The following SEMA3D variants were observed in gnomAD, a reference collection of about 807,000 sequenced individuals.
SEMA3D encodes the protein semaphorin 3D.
Under a neutral mutation model 100.1 loss-of-function variants are expected in SEMA3D, and 84 were observed. The observed-to-expected ratio is 0.84, with a 90% CI of 0.70 to 1.01. SEMA3D has a LOEUF of 1.01. Among genes scored for constraint, SEMA3D ranks in the 50% least tolerant of loss-of-function variants. SEMA3D has a pLI of 0.00. For missense variants in SEMA3D, 875 were observed against 934.1 expected, an observed-to-expected ratio of 0.94 and a Z score of 0.82; for synonymous variants, 312 against 320.7, an observed-to-expected ratio of 0.97 and a Z score of 0.29.
At position 85,121,864 on chromosome 7, in the gene SEMA3D, T is replaced by G. The variant is rs76103274; in HGVS notation, c.28A>C (p.Lys10Gln). Residue 10 changes from lysine (K) to glutamine (Q), a missense_variant, in exon 3 of 19, where the codon AAA (lysine) becomes CAA (glutamine). Coordinates refer to ENST00000284136, the MANE Select transcript of SEMA3D (RefSeq NM_001384900.1). MNANKDERLKARSQDFHLFP... is the reference protein window; with the variant it reads MNANKDERLQARSQDFHLFP... The stretch of plus-strand genomic sequence containing the variant: ...AGGTGAAAATCTTGGCTTCTGGCTT[T>G]AAGTCTTTCATCTTTATTAGCATTC... 6.3e-7 allele frequency: 1 copy of G among 1,593,732 alleles called. No individual in the cohort carries two copies. Among genetic ancestry groups the G allele is most frequent in the African/African-American group, 1.3e-5 (1 of 74,426 alleles).
At chr7:85,250,157 G>C in the SEMA3D span, among the ~76,000 whole-genome samples, 4 of 152,084 alleles carry the variant, frequency 2.6e-5, no homozygotes, top group East Asian at 1.9e-4. Context: ...GCGCTTTTCC[G>C]ACAGGCTTAA....
At chr7:85,249,517 C>G in the SEMA3D span, among the ~76,000 whole-genome samples, 5 of 152,152 alleles carry the variant, frequency 3.3e-5, no homozygotes, top group Admixed American at 6.5e-5. Flanking sequence ...ACATACAACT[C>G]GAACAGTAGA....
chr7:85,231,983 A>C, the SEMA3D span, among the ~76,000 whole-genome samples: 1 of 152,164 alleles, frequency 6.6e-6, no homozygotes, highest in Non-Finnish European at 1.5e-5. Context: ...GTTTATGCAA[A>C]AATTGTCGAA....
At chr7:85,215,117 C>CTTTTTTTTTTTTTTTTTT in the SEMA3D span, among the ~76,000 whole-genome samples, 1 of 128,308 alleles carries the variant, frequency 7.8e-6, no homozygotes. Context: ...TTCTTTCTTT[C>CTTTTTTTTTTTTTTTTTT]TTTTTTTTTT....
chr7:85,087,696 C>T (rs1788267328), intron 4 of SEMA3D, among the ~76,000 whole-genome samples: 2 of 152,182 alleles, frequency 1.3e-5, no homozygotes, highest in Non-Finnish European at 2.9e-5. Context: ...AAGTATGTCT[C>T]ATAAGCCAGT....
chr7:85,228,181 G>A, the SEMA3D span, among the ~76,000 whole-genome samples: 4 of 152,090 alleles, frequency 2.6e-5, no homozygotes, highest in African/African-American at 9.7e-5. Context: ...CATACTGACA[G>A]ATATTTTGAG....
intron 9 of SEMA3D, among the ~76,000 whole-genome samples, chr7:85,054,066 A>G (rs1399519966): frequency 3.3e-5 from 5 of 152,006 alleles, no homozygotes; most frequent in Non-Finnish European, 5.9e-5. Flanking sequence ...TAATTTTAAT[A>G]TAGGAATTTA....
the SEMA3D span, among the ~76,000 whole-genome samples, chr7:85,201,629 T>G: frequency 1.3e-5 from 2 of 152,200 alleles, no homozygotes; most frequent in African/African-American, 4.8e-5. Context: ...TTGGGAGTTT[T>G]TAGAGGCTGT....
chr7:85,176,206 G>A, intron 1 of SEMA3D, among the ~76,000 whole-genome samples: 1 of 152,220 alleles, frequency 6.6e-6, no homozygotes, highest in East Asian at 1.9e-4. Context: ...GAGCTAAGTT[G>A]TCAAGACAAG....
At chr7:85,179,931 G>T (rs1024689625) in intron 1 of SEMA3D, among the ~76,000 whole-genome samples, 4 of 152,184 alleles carry the variant, frequency 2.6e-5, no homozygotes, top group African/African-American at 9.7e-5. Flanking sequence ...AAAGTGCTGG[G>T]ATTACAGGCA....
chr7:85,038,073 G>A (rs1057317678), intron 11 of SEMA3D, among the ~76,000 whole-genome samples: 5 of 151,530 alleles, frequency 3.3e-5, no homozygotes, highest in Non-Finnish European at 5.9e-5. Flanking sequence ...GGGAGGGACA[G>A]CATCTGGAGA....
the SEMA3D span, among the ~76,000 whole-genome samples, chr7:85,225,107 CAT>C: frequency 0.49 from 17,568 of 36,058 alleles, 3,079 homozygotes; most frequent in East Asian, 0.63. Flanking sequence ...TATATATATA[CAT>C]ACATATATAC....
At chr7:85,043,298 G>T (rs1790914809) in intron 9 of SEMA3D, among the ~76,000 whole-genome samples, 1 of 152,078 alleles carries the variant, frequency 6.6e-6, no homozygotes, top group African/African-American at 2.4e-5. Flanking sequence ...GGTTGAGGCT[G>T]CAGTGAGCCA....
At chr7:85,203,819 C>G in the SEMA3D span, among the ~76,000 whole-genome samples, 2 of 151,596 alleles carry the variant, frequency 1.3e-5, no homozygotes, top group South Asian at 4.2e-4. Context: ...AAAACAAAAA[C>G]AAAAACAAAA....
chr7:85,188,249 G>C (rs1791616046), upstream of SEMA3D, among the ~76,000 whole-genome samples: 1 of 152,180 alleles, frequency 6.6e-6, no homozygotes, highest in Non-Finnish European at 1.5e-5. Flanking sequence ...TCAGGCTAAG[G>C]AAAGGCTCAG....
Position 85,138,578 on chromosome 7 carries a change from CCTTT to C in SEMA3D, c.-41+15026_-41+15029del, listed in dbSNP as rs1245892261. ...TGTATTAACATGAATACCTTTCACC[CCTTT>C]CTTTCCATTTTGTGCCTCCCTTTTA... On this transcript the variant is annotated intron_variant, in intron 2 of 18. Coordinates refer to ENST00000284136, the MANE Select transcript of SEMA3D (RefSeq NM_001384900.1). 1.1e-4 allele frequency among the ~76,000 whole-genome samples: 17 copies of C among 148,058 alleles called. No individual in the cohort carries two copies. In the East Asian group the frequency reaches 3.3e-3, roughly 29 times the overall value.
rs1187337767 is a variant in SEMA3D at position 84,998,270 on chromosome 7, G to A, written c.*1170C>T. 6.6e-6 allele frequency: 1 copy of A among 152,008 alleles called. No individual in the cohort carries two copies. Among genetic ancestry groups the A allele is most frequent in the Non-Finnish European group, 1.5e-5 (1 of 67,974 alleles). The allele number at this position is 152,008 out of a possible 1,614,324, so 9.4% of individuals were successfully genotyped here. On this transcript the variant is annotated 3_prime_UTR_variant, in exon 19 of 19. Transcript: ENST00000284136. The stretch of plus-strand genomic sequence containing the variant: ...TAATCACAAAATCCAATATACAGGA[G>A]AGAATAAAGGCAGTAAAAAGAAATA...
intron 1 of SEMA3D, among the ~76,000 whole-genome samples, chr7:85,163,655 A>T (rs1435215213): frequency 6.6e-6 from 1 of 152,100 alleles, no homozygotes; most frequent in African/African-American, 2.4e-5. Context: ...GAAAAATGTA[A>T]ATTCATGGAA....
At chr7:85,172,753 G>C (rs1431236848) in intron 1 of SEMA3D, among the ~76,000 whole-genome samples, 3 of 152,138 alleles carry the variant, frequency 2.0e-5, no homozygotes, top group East Asian at 3.9e-4. Flanking sequence ...AGCTCAAGTA[G>C]AGCAAGTTGA....
Sources: gnomAD v4.1 joint callset for allele counts (sites outside exome capture counted in the v4.1 genomes callset) on GRCh38, gnomAD v4.1.1 for gene constraint, MANE v1.5 for transcripts, NCBI Gene and HGNC (gene_info 2026-07-23, HGNC 2026-07-21) for gene names.